CHPT1: variants seen among roughly 807,000 people sequenced by gnomAD.
CHPT1 encodes cholinephosphotransferase 1.
Under a neutral mutation model 47.6 loss-of-function variants are expected in CHPT1, and 36 were observed. That is an observed-to-expected ratio of 0.76 (90% CI 0.58 to 1.00). CHPT1 has a LOEUF of 1.00. Among genes scored for constraint, CHPT1 ranks in the 50% least tolerant of loss-of-function variants. The probability of loss-of-function intolerance (pLI) is 0.00; values close to 1 mark genes in which losing one functional copy is unlikely to be tolerated. For missense variants in CHPT1, 458 were observed against 498.1 expected (o/e 0.92, Z 0.77); for synonymous variants, 194 against 186.3 (o/e 1.04, Z -0.33).
chr12:101,698,320 C>T (rs1951496718), intron 1 of CHPT1, among the ~76,000 whole-genome samples, 186 bp downstream of exon 1: 1 of 152,192 alleles, frequency 6.6e-6, no homozygotes, highest in Non-Finnish European at 1.5e-5. Flanking sequence ...CTATCCCAAT[C>T]CCGTGACCAT....
intron 1 of CHPT1, among the ~76,000 whole-genome samples, chr12:101,712,186 T>C (rs1364782545): frequency 6.8e-6 from 1 of 147,896 alleles, no homozygotes. Context: ...CGCACCAGGC[T>C]AATTTTTATA....
chr12:101,726,586 A>G (rs222508), intron 8 of CHPT1, 182 bp downstream of exon 8: 803,464 of 811,840 alleles, frequency 0.99, 397,614 homozygotes, highest in East Asian at 1. Flanking sequence ...TGAAGCCCCC[A>G]TTGTATCATC....
At chr12:101,700,350 T>A (rs905145497) in intron 1 of CHPT1, among the ~76,000 whole-genome samples, 2 of 137,614 alleles carry the variant, frequency 1.5e-5, no homozygotes, top group Non-Finnish European at 3.1e-5. Context: ...GGGTGGAGGG[T>A]GGGGATTGGA....
intron 5 of CHPT1, 135 bp from the exon 6 acceptor site, chr12:101,723,020 ACAACTCAGGTTTG>A (rs1951880575): frequency 4.7e-5 from 30 of 634,678 alleles, no homozygotes; most frequent in South Asian, 2.3e-4. Context: ...CTTGGAAAGC[ACAACTCAGGTTTG>A]TATACTCCTG....
Position 101,726,294 on chromosome 12 carries a change from G to A in CHPT1, c.1066G>A (p.Val356Met). ...TATATTTTCTTTTTTGCTTCTAAAGGTGATTTCTTCATTTGATATGGTGAT... is the reference window on the plus strand; with the variant it reads ...TATATTTTCTTTTTTGCTTCTAAAGATGATTTCTTCATTTGATATGGTGAT... ...DEYVVLWMAM[V>M]ISSFDMVIYF... The change falls in exon 8 of 9, where the codon GTG (valine) becomes ATG (methionine). Residue 356 changes from valine (V) to methionine (M), a missense_variant and splice_region_variant. Physicochemically the swap from Val to Met is conservative, Grantham distance 21 (BLOSUM62 1). Coordinates refer to ENST00000229266, the MANE Select transcript of CHPT1 (RefSeq NM_020244.3). 1 of 1,598,060 alleles carries A rather than the reference G, an allele frequency of 6.3e-7. No homozygotes were observed. The highest frequency in any genetic ancestry group is 1.1e-5 in the South Asian group (1 of 90,370).
rs953925568 is a variant in CHPT1, at chr12:101,720,139, T to A, written c.665T>A (p.Ile222Lys). ...MWDYTIPILE[I>K]KLKILPVLGF... Reference sequence around the variant, plus strand: ...CCCCTAAAGATTCCTATTCTAGAAATAAAATTGAAGATCCTTCCAGTTCTT... The same window carrying A: ...CCCCTAAAGATTCCTATTCTAGAAAAAAAATTGAAGATCCTTCCAGTTCTT... Residue 222 changes from isoleucine to lysine, a missense_variant, in exon 5 of 9, where the codon ATA (isoleucine) becomes AAA (lysine). Physicochemically the swap from Ile to Lys is moderately radical, Grantham distance 102 (BLOSUM62 -3). Coordinates refer to ENST00000229266, the MANE Select transcript of CHPT1 (RefSeq NM_020244.3). 3.8e-6 allele frequency: 6 copies of A among 1,589,816 alleles called. No homozygotes were observed. In the African/African-American group the frequency reaches 8.2e-5, roughly 22 times the overall value.
intron 1 of CHPT1, among the ~76,000 whole-genome samples, chr12:101,698,856 G>A (rs1951506292): frequency 6.6e-6 from 1 of 152,238 alleles, no homozygotes; most frequent in South Asian, 2.1e-4. Flanking sequence ...TTTGGGCTGA[G>A]TGTGGAGGGA....
chr12:101,698,053 C>A lies in CHPT1; in HGVS notation c.192C>A (p.Asn64Lys), dbSNP rs148254372. The change falls in exon 1 of 9, where the codon AAC (asparagine) becomes AAA (lysine). Residue 64 changes from asparagine (N) to lysine (K), a missense_variant. Coordinates refer to ENST00000229266, the MANE Select transcript of CHPT1 (RefSeq NM_020244.3). Reference sequence around the variant, plus strand: ...GGATCCCGCTCTGGATGGCCCCCAACTCCATCACCCTGCTGGGGCTCGCCG... The same window carrying A: ...GGATCCCGCTCTGGATGGCCCCCAAATCCATCACCCTGCTGGGGCTCGCCG... ...LQWIPLWMAP[N>K]SITLLGLAVN... The A allele has an allele frequency of 8.1e-5, 128 of 1,575,636 alleles. No individual in the cohort carries two copies. Among genetic ancestry groups the A allele is most frequent in the Non-Finnish European group, 1.0e-4 (120 of 1,169,380 alleles).
At chr12:101,715,616 TA>T (rs1951753243) in intron 3 of CHPT1, among the ~76,000 whole-genome samples, 1 of 152,132 alleles carries the variant, frequency 6.6e-6, no homozygotes, top group South Asian at 2.1e-4. Flanking sequence ...GGCAGAGATG[TA>T]AAGTATGTAG....
In CHPT1 at chr12:101,712,572, G is replaced by A. The variant is rs1203772075; in HGVS notation, c.274-1518G>A. Among the ~76,000 whole-genome samples, 16 of 148,252 alleles carry A rather than the reference G, an allele frequency of 1.1e-4. 3 individuals carry two copies. Among genetic ancestry groups the A allele is most frequent in the South Asian group, 4.3e-4 (2 of 4,640 alleles). On this transcript the variant is annotated intron_variant, in intron 1 of 8. Coordinates refer to ENST00000229266, the MANE Select transcript of CHPT1 (RefSeq NM_020244.3). ...GCTTTCTGTTGTCCCACCACTCGCC[G>A]ATGCACAGTTCAATTATTTTTAGTC...
At chr12:101,707,615 A>G (rs1054873305) in intron 1 of CHPT1, among the ~76,000 whole-genome samples, 5 of 152,330 alleles carry the variant, frequency 3.3e-5, no homozygotes, top group East Asian at 1.9e-4. Flanking sequence ...TGAGTGAGAA[A>G]GACACAATCC....
chr12:101,715,497 A>ACATGTTTC (rs146495334), intron 3 of CHPT1, among the ~76,000 whole-genome samples: 2,360 of 152,302 alleles, frequency 0.015, 67 homozygotes, highest in African/African-American at 0.053. Flanking sequence ...TCGAGCACTT[A>ACATGTTTC]CATGTTTCAG....
chr12:101,700,459 T>A (rs989239102), intron 1 of CHPT1, among the ~76,000 whole-genome samples: 1 of 152,182 alleles, frequency 6.6e-6, no homozygotes, highest in Non-Finnish European at 1.5e-5. Context: ...AACCTTCATA[T>A]GCTTCTGAGT....
At chr12:101,719,745 A>T in intron 4 of CHPT1, 1 of 252,624 alleles carries the variant, frequency 4.0e-6, no homozygotes, top group South Asian at 4.2e-5. Context: ...AAACAGACTA[A>T]GCTGGTTTGG....
At chr12:101,728,662 CTTTA>C (rs1396189970) in intron 8 of CHPT1, 4 of 429,040 alleles carry the variant, frequency 9.3e-6, no homozygotes, top group Non-Finnish European at 1.6e-5. Flanking sequence ...ATTAAATCGT[CTTTA>C]TTTAATTGAC....
intron 8 of CHPT1, chr12:101,728,648 TA>T: frequency 2.5e-6 from 1 of 394,844 alleles, no homozygotes; most frequent in Non-Finnish European, 4.5e-6. Flanking sequence ...AAGCCAAACC[TA>T]AAATTAAATC....
At chr12:101,707,404 C>G (rs1344663818) in intron 1 of CHPT1, among the ~76,000 whole-genome samples, 1 of 152,182 alleles carries the variant, frequency 6.6e-6, no homozygotes, top group Non-Finnish European at 1.5e-5. Context: ...GCCAGAAGAG[C>G]TGTTCCTAAA....
At chr12:101,699,235 G>A (rs1951514223) in intron 1 of CHPT1, among the ~76,000 whole-genome samples, 2 of 151,802 alleles carry the variant, frequency 1.3e-5, no homozygotes, top group Non-Finnish European at 2.9e-5. Flanking sequence ...TTACAGGCGC[G>A]TGCCACCACG....
Position 101,728,932 on chromosome 12 carries a change from A to G in CHPT1, c.1208A>G (p.Asn403Ser). ...GTTCTTTCTTCAAAGAGTCATCAGA[A>G]TAACATGGATTGAAGAGACTTCCGA... The part of the protein sequence containing the change: ...VQVLSSKSHQ[N>S]NMD The change falls in exon 9 of 9, where the codon AAT becomes AGT. Residue 403 changes from asparagine to serine, a missense_variant. Coordinates refer to ENST00000229266, the MANE Select transcript of CHPT1 (RefSeq NM_020244.3). The G allele has an allele frequency of 6.2e-7, 1 of 1,613,586 alleles. No individual in the cohort carries two copies. The highest frequency in any genetic ancestry group is 8.5e-7 in the Non-Finnish European group (1 of 1,179,702).
Sources: gnomAD v4.1 joint callset for allele counts (sites outside exome capture counted in the v4.1 genomes callset) on GRCh38, gnomAD v4.1.1 for gene constraint, MANE v1.5 for transcripts, NCBI Gene and HGNC (gene_info 2026-07-23, HGNC 2026-07-21) for gene names.